LTBR: variants seen among roughly 807,000 people sequenced by gnomAD.
LTBR encodes the protein lymphotoxin beta receptor.
Under a neutral mutation model 45.4 loss-of-function variants are expected in LTBR, and 15 were observed. The ratio of observed to expected loss-of-function variants is 0.33; its 90% CI spans 0.22 to 0.51. LTBR has a LOEUF of 0.51. LTBR is among the 20% of genes least tolerant of loss of function. The pLI, the probability that LTBR is intolerant of heterozygous loss-of-function variation, is 0.97. For synonymous variants in LTBR, 228 were observed against 231.0 expected (o/e 0.99, Z 0.12); for missense variants, 450 against 565.5 (o/e 0.80, Z 2.07).
Position 6,384,945 on chromosome 12 carries a change from C to G in LTBR, c.194-77C>G, listed in dbSNP as rs1949021664. ...GGGCCAGAGAGACCGAGGGAAAGGC[C>G]AGGGTCACACTACAGGCAGCGGAGG... On this transcript the variant is annotated intron_variant, in intron 2 of 9. Transcript: ENST00000228918. 4 of 1,580,246 alleles carry G rather than the reference C, an allele frequency of 2.5e-6. No individual in the cohort carries two copies. In the Admixed American group the frequency reaches 6.7e-5, roughly 26 times the overall value.
upstream of LTBR, among the ~76,000 whole-genome samples, chr12:6,379,264 A>C (rs1238648743): frequency 1.3e-5 from 2 of 152,174 alleles, no homozygotes; most frequent in Non-Finnish European, 2.9e-5. Flanking sequence ...AAGACAGCAG[A>C]ACTGGCGTCT....
rs1416096744 is a variant in LTBR at position 6,386,811 on chromosome 12, T to C, written c.667+367T>C. 1 of 181,232 alleles carries C rather than the reference T, an allele frequency of 5.5e-6. No homozygotes were observed. The highest frequency in any genetic ancestry group is 2.4e-5 in the African/African-American group (1 of 42,142). 11.2% of individuals were successfully genotyped at this position (181,232 alleles called of 1,614,324 possible). On this transcript the variant is annotated intron_variant, in intron 6 of 9. Transcript: ENST00000228918. The surrounding 1 kb of genome is among the most constrained non-coding windows in gnomAD (Gnocchi z 4.1). ...CTCTTTATTAGACTATATACTTTTA[T>C]TATTAGACAGAAGATTCCCATTTGA... is the stretch of plus-strand genomic sequence containing the variant.
At chr12:6,389,784 C>T (rs1213115992) in intron 8 of LTBR, 2 of 185,724 alleles carry the variant, frequency 1.1e-5, no homozygotes, top group African/African-American at 2.8e-5. Flanking sequence ...GCCTGGGTGA[C>T]AGAGTGAGAC....
At chr12:6,384,064 G>T, upstream of LTBR, 1 of 1,212,750 alleles carries the variant, frequency 8.2e-7, no homozygotes, top group Non-Finnish European at 1.0e-6. Context: ...GCCCCGCATC[G>T]AGGCAGACAA....
chr12:6,385,557 C>A, intron 4 of LTBR, 178 bp downstream of exon 4: 1 of 754,678 alleles, frequency 1.3e-6, no homozygotes, highest in Non-Finnish European at 2.1e-6. Context: ...GGAACTGGGA[C>A]AGGTGCAGGG....
upstream of LTBR, among the ~76,000 whole-genome samples, chr12:6,380,874 G>A (rs1350781515): frequency 6.6e-6 from 1 of 152,022 alleles, no homozygotes; most frequent in Non-Finnish European, 1.5e-5. Context: ...TGGGTCTGGT[G>A]TTGCCCAGTG....
chr12:6,380,308 G>A (rs1409884609), upstream of LTBR, among the ~76,000 whole-genome samples: 3 of 152,236 alleles, frequency 2.0e-5, no homozygotes, highest in African/African-American at 7.2e-5. Flanking sequence ...ACTTCTGGGT[G>A]TTTGCCAGAC....
intron 6 of LTBR, chr12:6,387,716 C>T: frequency 3.1e-6 from 1 of 319,934 alleles, no homozygotes; most frequent in South Asian, 2.3e-5. Context: ...GCACTGGTAC[C>T]CAGAGAAAGA....
At chr12:6,384,922 G>T in intron 2 of LTBR, 100 bp from the exon 3 acceptor site, 3 of 1,491,182 alleles carry the variant, frequency 2.0e-6, no homozygotes, top group Non-Finnish European at 1.8e-6. Flanking sequence ...ATGATGGGGG[G>T]CCAGAGAGAC....
upstream of LTBR, among the ~76,000 whole-genome samples, chr12:6,381,747 G>A (rs1045512830): frequency 6.6e-6 from 1 of 152,186 alleles, no homozygotes. Context: ...GGCCAAGGCG[G>A]GTGGATCACA....
chr12:6,386,230 C>T lies in LTBR; in HGVS notation c.569+68C>T. On this transcript the variant is annotated intron_variant, in intron 5 of 9. Coordinates refer to ENST00000228918, the MANE Select transcript of LTBR (RefSeq NM_002342.3). The surrounding 1 kb of genome is among the most constrained non-coding windows in gnomAD (Gnocchi z 4.1). ...CCTCAGCTGCTAACAACCCCCAGCG[C>T]CTATCCTTGACACCACGGACTCGAC... 1 of 1,510,396 alleles carries T rather than the reference C, an allele frequency of 6.6e-7. No homozygotes were observed. The highest frequency in any genetic ancestry group is 9.2e-7 in the Non-Finnish European group (1 of 1,087,460). 93.6% of individuals were successfully genotyped at this position (1,510,396 alleles called of 1,614,324 possible).
At chr12:6,378,416 G>A (rs1948942269) in intron 1 of LTBR, among the ~76,000 whole-genome samples, 1 of 152,138 alleles carries the variant, frequency 6.6e-6, no homozygotes. Flanking sequence ...GCCTCCCAAA[G>A]TGCTGGGATT....
Position 6,391,399 on chromosome 12 carries a change from T to C in LTBR, c.*462T>C, listed in dbSNP as rs1949112403. The C allele has an allele frequency of 6.5e-6, 1 of 153,234 alleles. No homozygotes were observed. The highest frequency in any genetic ancestry group is 6.5e-5 in the Admixed American group (1 of 15,276). The allele number at this position is 153,234 out of a possible 1,614,324, so 9.5% of individuals were successfully genotyped here. On this transcript the variant is annotated 3_prime_UTR_variant, in exon 10 of 10. Transcript: ENST00000228918. ...GGTAGACCCTGCATGAAGATGAAATTATAGGGAGGACGCTCCTTCCCTCCC... is the reference window on the plus strand; with the variant it reads ...GGTAGACCCTGCATGAAGATGAAATCATAGGGAGGACGCTCCTTCCCTCCC...
At position 6,385,779 on chromosome 12, in the gene LTBR, G is replaced by A. The variant is rs889841646; in HGVS notation, c.473-287G>A. 72 of 200,888 alleles carry A rather than the reference G, an allele frequency of 3.6e-4. No homozygotes were observed. The African/African-American group carries it at 0.01, about 29-fold the overall frequency. The allele number at this position is 200,888 out of a possible 1,614,324, so 12.4% of individuals were successfully genotyped here. ...AAATTAGCCGGGCGTGGTGGTGGGC[G>A]CCTGTATCCCAGCTACTCGGGAGGC... On this transcript the variant is annotated intron_variant, in intron 4 of 9. Transcript: ENST00000228918.
chr12:6,390,083 T>G (rs374803607), intron 8 of LTBR, 29 bp from the exon 9 acceptor site: 28 of 1,497,588 alleles, frequency 1.9e-5, no homozygotes, highest in Non-Finnish European at 2.6e-5. Flanking sequence ...GCCCTCATCA[T>G]TGTTTGGGTC....
At chr12:6,380,423 G>T (rs1469861525), upstream of LTBR, among the ~76,000 whole-genome samples, 6 of 152,178 alleles carry the variant, frequency 3.9e-5, no homozygotes, top group Non-Finnish European at 8.8e-5. Flanking sequence ...GCTCGTGCCT[G>T]TAATCCCAGT....
In LTBR at chr12:6,384,383, GC is replaced by G; in HGVS notation, c.30del (p.Gly11AlafsTer85). 6.5e-7 allele frequency: 1 copy of G among 1,536,150 alleles called. No individual in the cohort carries two copies. Among genetic ancestry groups the G allele is most frequent in the Non-Finnish European group, 8.7e-7 (1 of 1,145,930 alleles). ...CATGCTCCTGCCTTGGGCCACCTCT[GC>G]CCCCGGCCTGGCCTGGGGGCCTCTG... MLLPWATS[A>X]PGLAWGPLVL... On this transcript the variant is annotated frameshift_variant, in exon 1 of 10. Transcript: ENST00000228918. LOFTEE classifies it high-confidence loss of function.
At chr12:6,375,770 G>A (rs1948896232) in intron 1 of LTBR, 7 of 1,406,432 alleles carry the variant, frequency 5.0e-6, no homozygotes, top group Non-Finnish European at 5.5e-6. Flanking sequence ...CAGGTGAGGG[G>A]CAAAGATCTG....
At chr12:6,383,336 G>A (rs1949002869), upstream of LTBR, among the ~76,000 whole-genome samples, 1 of 152,178 alleles carries the variant, frequency 6.6e-6, no homozygotes, top group Admixed American at 6.5e-5. Flanking sequence ...ACGAGACCAG[G>A]CCACCCTGGA....
Sources: gnomAD v4.1 joint callset for allele counts (sites outside exome capture counted in the v4.1 genomes callset) on GRCh38, gnomAD v4.1.1 for gene constraint, Gnocchi (gnomAD v3.1) non-coding constraint, MANE v1.5 for transcripts, NCBI Gene and HGNC (gene_info 2026-07-23, HGNC 2026-07-21) for gene names.